The following GRAMD2B variants were observed in gnomAD, a reference collection of about 807,000 sequenced individuals.
The protein encoded by GRAMD2B is GRAM domain containing 2B.
GRAMD2B carries 41 observed loss-of-function variants against 59.2 expected under a neutral mutation model. The ratio of observed to expected loss-of-function variants is 0.69; its 90% confidence interval spans 0.54 to 0.90. GRAMD2B has a LOEUF of 0.90. Among genes scored for constraint, GRAMD2B ranks in the 40% least tolerant of loss-of-function variants. The pLI, the probability that GRAMD2B is intolerant of heterozygous loss-of-function variation, is 0.00. For synonymous variants in GRAMD2B, 161 were observed against 182.7 expected (o/e 0.88, Z 0.96); for missense variants, 424 against 500.5 (o/e 0.85, Z 1.46).
chr5:126,489,780 T>C (rs2126977651), intron 13 of GRAMD2B, among the ~76,000 whole-genome samples: 1 of 121,390 alleles, frequency 8.2e-6, no homozygotes, highest in African/African-American at 3.1e-5. Flanking sequence ...TTTACCCTAA[T>C]CCTTCAGGAA....
chr5:126,483,332 C>G (rs1289203292), intron 8 of GRAMD2B, 131 bp from the exon 9 acceptor site: 2 of 456,094 alleles, frequency 4.4e-6, no homozygotes, highest in Non-Finnish European at 7.7e-6. Context: ...AAATCCCAGT[C>G]GTATGGAGTA....
At chr5:126,435,727 A>G (rs1762302915) in intron 1 of GRAMD2B, among the ~76,000 whole-genome samples, 1 of 152,242 alleles carries the variant, frequency 6.6e-6, no homozygotes, top group Non-Finnish European at 1.5e-5. Flanking sequence ...TAGTTTTTGT[A>G]TAAAGAATTC....
At chr5:126,455,784 A>T (rs1766173969) in intron 1 of GRAMD2B, among the ~76,000 whole-genome samples, 1 of 152,362 alleles carries the variant, frequency 6.6e-6, no homozygotes, top group East Asian at 1.9e-4. Context: ...CTTAACTAGA[A>T]AAGACATAGT....
rs1032000840 is a variant in GRAMD2B at position 126,373,187 on chromosome 5, A to G, written c.125+1620A>G. On this transcript the variant is annotated intron_variant, in intron 1 of 8. Transcript: ENST00000506445. Reference sequence around the variant, plus strand: ...AAAAAAATTTAACATATCTCTAAGTAGGTCAGGCATTGAAGGACTTTTAGT... The same window carrying G: ...AAAAAAATTTAACATATCTCTAAGTGGGTCAGGCATTGAAGGACTTTTAGT... Among the ~76,000 whole-genome samples, 3 of 152,188 alleles carry G rather than the reference A, an allele frequency of 2.0e-5. No homozygotes were observed. In the South Asian group the frequency reaches 6.2e-4, roughly 31 times the overall value.
At chr5:126,409,829 G>A (rs1653840193) in intron 1 of GRAMD2B, among the ~76,000 whole-genome samples, 2 of 152,106 alleles carry the variant, frequency 1.3e-5, no homozygotes, top group Non-Finnish European at 2.9e-5. Flanking sequence ...TAGGTCTAAT[G>A]TTTAAGTCTT....
intron 1 of GRAMD2B, among the ~76,000 whole-genome samples, chr5:126,463,703 A>C (rs1561561454): frequency 1.3e-5 from 2 of 152,322 alleles, no homozygotes; most frequent in Middle Eastern, 3.4e-3. Context: ...GAAAAGAGAA[A>C]TGCTTACCAC....
chr5:126,483,490 G>A lies in GRAMD2B; in HGVS notation c.763G>A (p.Asp255Asn). ...TTTCAATGATGAATTCTCAGATCTGGATGGAGTGGTTCAACAAAGAAGGCA... is the reference window on the plus strand; with the variant it reads ...TTTCAATGATGAATTCTCAGATCTGAATGGAGTGGTTCAACAAAGAAGGCA... ...LDFNDEFSDL[D>N]GVVQQRRQDM... The change falls in exon 9 of 14, where the codon GAT becomes AAT. Residue 255 changes from aspartate to asparagine, a missense_variant. By Grantham distance (23) the Asp-to-Asn change is conservative. Coordinates refer to ENST00000285689, the MANE Select transcript of GRAMD2B (RefSeq NM_023927.4). The A allele has an allele frequency of 6.2e-7, 1 of 1,611,368 alleles. No individual in the cohort carries two copies.
intron 1 of GRAMD2B, among the ~76,000 whole-genome samples, chr5:126,394,535 G>C (rs1418098344): frequency 6.6e-6 from 1 of 152,132 alleles, no homozygotes; most frequent in African/African-American, 2.4e-5. Context: ...AAGTGTTAAA[G>C]TCTTTGATTG....
At chr5:126,477,947 C>T (rs1400326647) in intron 6 of GRAMD2B, among the ~76,000 whole-genome samples, 160 bp downstream of exon 6, 2 of 152,060 alleles carry the variant, frequency 1.3e-5, no homozygotes, top group Non-Finnish European at 2.9e-5. Flanking sequence ...AAAATTATAG[C>T]CTGTAGACAT....
At position 126,493,919 on chromosome 5, in the gene GRAMD2B, A is replaced by G. The variant is rs571699544; in HGVS notation, c.*963A>G. 1.3e-5 allele frequency: 2 copies of G among 152,754 alleles called. No homozygotes were observed. Among genetic ancestry groups the G allele is most frequent in the African/African-American group, 4.8e-5 (2 of 41,566 alleles). The allele number at this position is 152,754 out of a possible 1,614,324, so 9.5% of individuals were successfully genotyped here. A position where few individuals can be genotyped will look rare whatever the true frequency, so the allele number is the denominator to read the frequency against. Reference sequence around the variant, plus strand: ...ACTGGTGGTTTGCTAACTATTTACCATATGGGTTGGCTGGTTTTTATTAAT... The same window carrying G: ...ACTGGTGGTTTGCTAACTATTTACCGTATGGGTTGGCTGGTTTTTATTAAT... On this transcript the variant is annotated 3_prime_UTR_variant, in exon 14 of 14. Transcript: ENST00000285689.
chr5:126,492,354 G>T (rs1774093328), intron 13 of GRAMD2B, among the ~76,000 whole-genome samples: 1 of 150,318 alleles, frequency 6.7e-6, no homozygotes, highest in African/African-American at 2.4e-5. Flanking sequence ...ATTTATCTCA[G>T]TCTCTACTGA....
intron 8 of GRAMD2B, among the ~76,000 whole-genome samples, chr5:126,482,441 T>C (rs1214333416): frequency 6.6e-6 from 1 of 152,368 alleles, no homozygotes; most frequent in Non-Finnish European, 1.5e-5. Context: ...GTTTTAAATC[T>C]GGGCTCCACC....
chr5:126,432,172 G>T (rs1214703511), intron 1 of GRAMD2B, among the ~76,000 whole-genome samples: 2 of 151,780 alleles, frequency 1.3e-5, no homozygotes, highest in African/African-American at 4.8e-5. Context: ...CAAGAGATTT[G>T]CCCACCTCAG....
At chr5:126,379,713 A>C (rs1755499923) in intron 1 of GRAMD2B, among the ~76,000 whole-genome samples, 1 of 152,074 alleles carries the variant, frequency 6.6e-6, no homozygotes, top group African/African-American at 2.4e-5. Context: ...TTCTTTTGAG[A>C]AGTGTCTATT....
intron 13 of GRAMD2B, 120 bp from the exon 14 acceptor site, chr5:126,492,795 C>A: frequency 1.6e-6 from 1 of 619,254 alleles, no homozygotes; most frequent in South Asian, 2.6e-5. Flanking sequence ...TAAATTTAAC[C>A]CTTTTGTAGC....
At chr5:126,403,361 A>C (rs1757991273) in intron 1 of GRAMD2B, among the ~76,000 whole-genome samples, 2 of 152,034 alleles carry the variant, frequency 1.3e-5, no homozygotes, top group South Asian at 2.1e-4. Context: ...ATTACTGTTT[A>C]TGTAGGAAAA....
chr5:126,448,665 A>G (rs1764788206), intron 1 of GRAMD2B, among the ~76,000 whole-genome samples: 1 of 152,166 alleles, frequency 6.6e-6, no homozygotes. Context: ...AGCTAAGCCA[A>G]CCAAATTAGG....
rs2126783889 is a variant in GRAMD2B at position 126,465,484 on chromosome 5, C to T, written c.142C>T (p.Gln48Ter). 1 of 1,614,118 alleles carries T rather than the reference C, an allele frequency of 6.2e-7. No homozygotes were observed. The highest frequency in any genetic ancestry group is 8.5e-7 in the Non-Finnish European group (1 of 1,180,006). Residue 48 changes from glutamine (Q) to a stop codon, truncating the protein, a stop_gained, in exon 2 of 14, where the codon CAA becomes TAA. Coordinates refer to ENST00000285689, the MANE Select transcript of GRAMD2B (RefSeq NM_023927.4). LOFTEE classifies it high-confidence loss of function. Reference protein sequence around the residue: ...KKKACRSPTAQSPTPSVEADS... With the variant: ...KKKACRSPTA ...GAAAGCCTGCAGGTCGCCAACAGCC[C>T]AATCCCCTACCCCATCTGTGGAGGC...
chr5:126,453,716 T>C (rs934874074), intron 1 of GRAMD2B, among the ~76,000 whole-genome samples: 2 of 152,232 alleles, frequency 1.3e-5, no homozygotes, highest in Non-Finnish European at 2.9e-5. Context: ...ATTACTCATC[T>C]AACTAATAAT....
Sources: gnomAD v4.1 joint callset for allele counts (sites outside exome capture counted in the v4.1 genomes callset) on GRCh38, gnomAD v4.1.1 for gene constraint, MANE v1.5 for transcripts, NCBI Gene and HGNC (gene_info 2026-07-23, HGNC 2026-07-21) for gene names.